DCAF8L2: variants seen among roughly 807,000 people sequenced by gnomAD.
The protein encoded by DCAF8L2 is DDB1 and CUL4 associated factor 8 like 2.
For missense variants in DCAF8L2, 430 were observed against 490.7 expected (o/e 0.88, Z 1.17); for synonymous variants, 200 against 190.9 (o/e 1.05, Z -0.39).
At chrX:27,483,446 CAA>C in the DCAF8L2 span, among the ~76,000 whole-genome samples, 2 of 111,604 alleles carry the variant, frequency 1.8e-5, no homozygotes, top group Non-Finnish European at 3.8e-5. Context: ...GCTTAAGTAG[CAA>C]AAAATTTTAA....
chrX:27,595,904 C>A (rs1300645382), intron 1 of DCAF8L2, among the ~76,000 whole-genome samples: 1 of 111,428 alleles, frequency 9.0e-6, no homozygotes, highest in Non-Finnish European at 1.9e-5. Context: ...GTGGTGCGTG[C>A]CTGTAGTCCC....
chrX:27,672,330 C>T (rs976720909), intron 2 of DCAF8L2, among the ~76,000 whole-genome samples: 17 of 111,759 alleles, frequency 1.5e-4, no homozygotes, highest in African/African-American at 4.9e-4. Context: ...ATTCCTTTGG[C>T]TATACTAATT....
At chrX:27,669,876 C>T (rs1358400145) in intron 2 of DCAF8L2, among the ~76,000 whole-genome samples, 1 of 111,535 alleles carries the variant, frequency 9.0e-6, no homozygotes, top group Non-Finnish European at 1.9e-5. Context: ...TCTATCATTG[C>T]TGGACATTTG....
the DCAF8L2 span, among the ~76,000 whole-genome samples, chrX:27,514,668 C>CAAAAAA: frequency 1.2e-3 from 3 of 2,517 alleles, no homozygotes; most frequent in African/African-American, 2.3e-3. Flanking sequence ...GACTCCGTCT[C>CAAAAAA]AAAAAAAAAA....
At chrX:27,742,331 G>A (rs1487857668) in intron 4 of DCAF8L2, among the ~76,000 whole-genome samples, 1 of 111,391 alleles carries the variant, frequency 9.0e-6, no homozygotes. Flanking sequence ...CACTTTGGGA[G>A]GCCGAGGTGG....
upstream of DCAF8L2, among the ~76,000 whole-genome samples, chrX:27,587,376 A>G (rs986481812): frequency 6.3e-5 from 7 of 111,624 alleles, no homozygotes; most frequent in Non-Finnish European, 9.4e-5. Context: ...ATAAAATCAT[A>G]AAAGAGAATG....
chrX:27,564,538 G>GCACA, the DCAF8L2 span, among the ~76,000 whole-genome samples: 4 of 105,438 alleles, frequency 3.8e-5, no homozygotes, highest in Non-Finnish European at 7.8e-5. Flanking sequence ...GCACACACAT[G>GCACA]CACACACACA....
the DCAF8L2 span, among the ~76,000 whole-genome samples, chrX:27,470,724 T>TA: frequency 8.9e-6 from 1 of 112,119 alleles, no homozygotes; most frequent in Admixed American, 9.5e-5. Context: ...ATGTAGGTGA[T>TA]ACATACAGTA....
chrX:27,601,656 T>G (rs1355071121), intron 1 of DCAF8L2, among the ~76,000 whole-genome samples: 1 of 106,970 alleles, frequency 9.3e-6, no homozygotes, highest in African/African-American at 3.4e-5. Flanking sequence ...GCAGAGACCG[T>G]GCCACTGCAC....
intron 3 of DCAF8L2, among the ~76,000 whole-genome samples, chrX:27,692,974 A>C (rs1383101320): frequency 4.5e-5 from 5 of 111,781 alleles, no homozygotes; most frequent in African/African-American, 1.6e-4. Context: ...GGATAATATA[A>C]AAGAAAGAGA....
At chrX:27,566,936 T>C in the DCAF8L2 span, among the ~76,000 whole-genome samples, 2 of 111,490 alleles carry the variant, frequency 1.8e-5, no homozygotes, top group African/African-American at 6.5e-5. Context: ...ACTTTGTTTT[T>C]CTCAAGGTAC....
At chrX:27,480,842 G>A in the DCAF8L2 span, among the ~76,000 whole-genome samples, 1 of 111,785 alleles carries the variant, frequency 8.9e-6, no homozygotes, top group Non-Finnish European at 1.9e-5. Context: ...TTAAGGAAGG[G>A]ATGTGTCAGG....
At chrX:27,601,993 C>T (rs976212058) in intron 1 of DCAF8L2, among the ~76,000 whole-genome samples, 2 of 111,733 alleles carry the variant, frequency 1.8e-5, no homozygotes, top group Non-Finnish European at 3.8e-5. Context: ...ATAACACTTA[C>T]GGATTCCTGG....
chrX:27,703,356 C>T (rs1931204254), intron 3 of DCAF8L2, among the ~76,000 whole-genome samples: 1 of 110,933 alleles, frequency 9.0e-6, no homozygotes, highest in Non-Finnish European at 1.9e-5. Flanking sequence ...ATATAAGGGA[C>T]TCAGAATACC....
the DCAF8L2 span, among the ~76,000 whole-genome samples, chrX:27,562,034 T>C: frequency 1.8e-5 from 2 of 112,097 alleles, no homozygotes; most frequent in South Asian, 3.6e-4. Flanking sequence ...AAGCAAAATA[T>C]GAAGGTTTCA....
the DCAF8L2 span, among the ~76,000 whole-genome samples, chrX:27,508,080 T>G: frequency 8.9e-6 from 1 of 111,914 alleles, no homozygotes; most frequent in South Asian, 3.6e-4. Flanking sequence ...TTGAATAAAA[T>G]TATGAGATAT....
the DCAF8L2 span, among the ~76,000 whole-genome samples, chrX:27,469,138 A>G: frequency 1.8e-5 from 2 of 112,048 alleles, no homozygotes; most frequent in African/African-American, 6.5e-5. Flanking sequence ...CAGAGGAAAG[A>G]AAAAGGGGAA....
intron 2 of DCAF8L2, among the ~76,000 whole-genome samples, chrX:27,656,744 A>G (rs1295162576): frequency 8.9e-6 from 1 of 111,884 alleles, no homozygotes; most frequent in Non-Finnish European, 1.9e-5. Context: ...GAAACATACG[A>G]AACTTCAAGG....
At chrX:27,535,134 G>A in the DCAF8L2 span, among the ~76,000 whole-genome samples, 3 of 111,588 alleles carry the variant, frequency 2.7e-5, no homozygotes, top group South Asian at 3.8e-4. Flanking sequence ...GGACTAGAGC[G>A]GTGAACAAGA....
Sources: allele counts gnomAD v4.1 joint callset (sites outside exome capture counted in the v4.1 genomes callset), GRCh38; gene constraint gnomAD v4.1.1; transcripts MANE v1.5; gene names NCBI Gene and HGNC (gene_info 2026-07-23, HGNC 2026-07-21).